Variants in SNX8 observed in about 807,000 individuals in gnomAD.
The protein encoded by SNX8 is sorting nexin 8.
A neutral mutation model predicts 51.6 loss-of-function variants in SNX8; 25 were observed. The observed-to-expected ratio is 0.48, with a 90% CI of 0.35 to 0.68. The LOEUF (loss-of-function observed/expected upper bound fraction) is 0.68, where lower values mean the gene tolerates loss of function less well. Among genes scored for constraint, SNX8 ranks in the 30% least tolerant of loss-of-function variants. The pLI, the probability that SNX8 is intolerant of heterozygous loss-of-function variation, is 0.00. For synonymous variants in SNX8, 324 were observed against 277.0 expected (o/e 1.17, Z -1.68); for missense variants, 695 against 624.0 (o/e 1.11, Z -1.21).
chr7:2,325,269 G>C (rs770299586), intron 1 of SNX8, among the ~76,000 whole-genome samples: 2 of 152,154 alleles, frequency 1.3e-5, no homozygotes, highest in Non-Finnish European at 2.9e-5. Context: ...GCCTCCCAAA[G>C]TGCTGGGACT....
chr7:2,282,268 G>T (rs1795924352), intron 1 of SNX8, among the ~76,000 whole-genome samples: 1 of 152,154 alleles, frequency 6.6e-6, no homozygotes, highest in Non-Finnish European at 1.5e-5. Flanking sequence ...TCCCAGACTG[G>T]CTCACAAATT....
chr7:2,353,539 C>T (rs1562468471), intron 1 of SNX8, among the ~76,000 whole-genome samples: 1 of 152,078 alleles, frequency 6.6e-6, no homozygotes, highest in African/African-American at 2.4e-5. Context: ...GTCTTGGCCT[C>T]CCAAAGTACT....
chr7:2,353,013 G>T (rs1251691905), intron 1 of SNX8, among the ~76,000 whole-genome samples: 1 of 152,162 alleles, frequency 6.6e-6, no homozygotes, highest in African/African-American at 2.4e-5. Context: ...GTTAGGATGG[G>T]ATGGGTGTGG....
rs1262770774 is a variant in SNX8, at chr7:2,271,840, A to G, written c.540+10T>C. On this transcript the variant is annotated intron_variant, in intron 4 of 10. Coordinates refer to ENST00000222990, the MANE Select transcript of SNX8 (RefSeq NM_013321.4). ...CGGGGCCGGGACATGGGCAGGGCAG[A>G]CACACTCACCGAGCCGCTGAAGGAC... is the stretch of plus-strand genomic sequence containing the variant. 6.3e-7 allele frequency: 1 copy of G among 1,596,898 alleles called. No homozygotes were observed. The highest frequency in any genetic ancestry group is 1.8e-5 in the Admixed American group (1 of 56,590).
intron 1 of SNX8, among the ~76,000 whole-genome samples, chr7:2,294,099 T>A (rs1796218331): frequency 6.6e-6 from 1 of 151,404 alleles, no homozygotes; most frequent in Admixed American, 6.6e-5. Context: ...CTGTCTCTAC[T>A]AGAAATACAA....
At chr7:2,313,535 A>AG (rs950365739) in intron 1 of SNX8, among the ~76,000 whole-genome samples, 7 of 149,588 alleles carry the variant, frequency 4.7e-5, no homozygotes, top group African/African-American at 1.3e-4. Context: ...AAAAAAAAAA[A>AG]AAAAGAAAAG....
In SNX8 at chr7:2,275,939, G is replaced by A. The variant is rs574002292; in HGVS notation, c.301-710C>T. Among the ~76,000 whole-genome samples the A allele has an allele frequency of 1.6e-4, 24 of 151,556 alleles. No individual in the cohort carries two copies. In the East Asian group the frequency reaches 1.7e-3, roughly 11 times the overall value. ...CGTGAACCCGGGAGGCAGAGCTTGC[G>A]GTGAGCTGAGATCACGCCACTGCAC... On this transcript the variant is annotated intron_variant, in intron 2 of 10. Transcript: ENST00000222990.
intron 1 of SNX8, among the ~76,000 whole-genome samples, chr7:2,312,863 T>C (rs1287878624): frequency 6.6e-6 from 1 of 152,108 alleles, no homozygotes; most frequent in Non-Finnish European, 1.5e-5. Context: ...GGCACCCTCC[T>C]GTATTCCTTC....
chr7:2,255,468 A>G (rs1244601187), intron 10 of SNX8, among the ~76,000 whole-genome samples: 2 of 152,246 alleles, frequency 1.3e-5, no homozygotes, highest in Non-Finnish European at 2.9e-5. Flanking sequence ...CTATCGCGTC[A>G]CTGCCAGTAC....
intron 1 of SNX8, among the ~76,000 whole-genome samples, chr7:2,294,079 T>C (rs1215134992): frequency 4.0e-5 from 6 of 151,642 alleles, no homozygotes; most frequent in Admixed American, 2.6e-4. Context: ...CTGGCCAACA[T>C]AGTGAAACCC....
rs900122995 is a variant in SNX8, at chr7:2,275,236, G to A, written c.301-7C>T. The A allele has an allele frequency of 1.4e-5, 22 of 1,591,802 alleles. No homozygotes were observed. The highest frequency in any genetic ancestry group is 1.9e-5 in the Non-Finnish European group (22 of 1,159,584). ...ATACCGAGGACTTGAAGCGCTGCAA[G>A]AGAAGGGTCGGTGCTTAGATCCGAC... On this transcript the variant is annotated splice_region_variant and splice_polypyrimidine_tract_variant and intron_variant, in intron 2 of 10. Coordinates refer to ENST00000222990, the MANE Select transcript of SNX8 (RefSeq NM_013321.4).
chr7:2,346,580 T>C (rs1011439462), intron 1 of SNX8, among the ~76,000 whole-genome samples: 18 of 151,158 alleles, frequency 1.2e-4, no homozygotes, highest in Non-Finnish European at 2.4e-4. Flanking sequence ...ACCCCGTCTC[T>C]ACTAAAATAC....
In SNX8 at chr7:2,309,815, C is replaced by A. The variant is rs1192599157; in HGVS notation, c.94+4513G>T. 6.4e-6 allele frequency: 3 copies of A among 470,804 alleles called. No individual in the cohort carries two copies. In the Admixed American group the frequency reaches 7.1e-5, roughly 11 times the overall value. The allele number at this position is 470,804 out of a possible 1,614,324, so 29.2% of individuals were successfully genotyped here. On this transcript the variant is annotated intron_variant, in intron 1 of 10. Coordinates refer to ENST00000222990, the MANE Select transcript of SNX8 (RefSeq NM_013321.4). ...ACACAGAGAACAGACCTGACATGAG[C>A]GAGCAGCTGCAGGTAAGGGTTGATG... is the stretch of plus-strand genomic sequence containing the variant.
At chr7:2,295,536 C>G (rs1278768723) in intron 1 of SNX8, among the ~76,000 whole-genome samples, 1 of 145,634 alleles carries the variant, frequency 6.9e-6, no homozygotes, top group Non-Finnish European at 1.5e-5. Context: ...GAAACCCTGT[C>G]TCTACTAAAA....
intron 1 of SNX8, among the ~76,000 whole-genome samples, chr7:2,308,716 G>A (rs1489136855): frequency 1.4e-5 from 2 of 147,048 alleles, no homozygotes; most frequent in Admixed American, 1.4e-4. Flanking sequence ...AAATGGGGCA[G>A]AAGGTTTTGT....
In SNX8 at chr7:2,298,474, A is replaced by G. The variant is rs911770086; in HGVS notation, c.94+15854T>C. 2.6e-5 allele frequency among the ~76,000 whole-genome samples: 4 copies of G among 151,816 alleles called. No individual in the cohort carries two copies. The South Asian group carries it at 6.2e-4, about 24-fold the overall frequency. On this transcript the variant is annotated intron_variant, in intron 1 of 10. Coordinates refer to ENST00000222990, the MANE Select transcript of SNX8 (RefSeq NM_013321.4). ...AACCGCAGCCTCCCAGGTTCCAGCA[A>G]TTCTCCTGCCTCAGCCTCCCGGGTA... is the stretch of plus-strand genomic sequence containing the variant.
At chr7:2,328,817 G>A (rs1234010260) in intron 1 of SNX8, among the ~76,000 whole-genome samples, 2 of 151,476 alleles carry the variant, frequency 1.3e-5, no homozygotes, top group Non-Finnish European at 2.9e-5. Context: ...CAGGCGTGGT[G>A]GCTCACGCCT....
intron 7 of SNX8, among the ~76,000 whole-genome samples, chr7:2,262,979 C>A (rs1030197751): frequency 6.6e-6 from 1 of 152,224 alleles, no homozygotes; most frequent in Non-Finnish European, 1.5e-5. Flanking sequence ...ATTAGCCAGG[C>A]ATGGTGGTGG....
rs768600886 is a variant in SNX8, at chr7:2,257,739, T to TAGGA, written c.976_979dup (p.Tyr327PhefsTer3). The TAGGA allele has an allele frequency of 6.2e-7, 1 of 1,613,794 alleles. No homozygotes were observed. Among genetic ancestry groups the TAGGA allele is most frequent in the Non-Finnish European group, 8.5e-7 (1 of 1,179,786 alleles). ...CAAGGAGCAGCCAAGACTCACCTTATAGGACTGCAGCAGATCCAAGAAGAG... is the reference window on the plus strand; with the variant it reads ...CAAGGAGCAGCCAAGACTCACCTTATAGGAAGGACTGCAGCAGATCCAAGAAGAG... On this transcript the variant is annotated frameshift_variant, in exon 8 of 11. Coordinates refer to ENST00000222990, the MANE Select transcript of SNX8 (RefSeq NM_013321.4). LOFTEE classifies it high-confidence loss of function.
Sources: allele counts gnomAD v4.1 joint callset (sites outside exome capture counted in the v4.1 genomes callset), GRCh38; gene constraint gnomAD v4.1.1; transcripts MANE v1.5; gene names NCBI Gene and HGNC (gene_info 2026-07-23, HGNC 2026-07-21).